Variants in WDR37 observed in about 807,000 individuals in gnomAD.
WDR37 encodes WD repeat-containing protein 37.
WDR37 carries 19 observed loss-of-function variants against 62.9 expected under a neutral mutation model. The ratio of observed to expected loss-of-function variants is 0.30; its 90% confidence interval spans 0.21 to 0.44. WDR37 has a LOEUF of 0.44. Ranked by LOEUF, WDR37 falls within the 20% of genes least tolerant of loss-of-function variation. The probability of loss-of-function intolerance (pLI) is 1.00; values close to 1 mark genes in which losing one functional copy is unlikely to be tolerated. For synonymous variants in WDR37, 250 were observed against 260.9 expected (o/e 0.96, Z 0.40); for missense variants, 474 against 657.6 (o/e 0.72, Z 3.05).
rs747102936 is a variant in WDR37 at position 1,124,988 on chromosome 10, A to C, written c.1317A>C (p.Gly439=). Residue 439 remains glycine, a synonymous_variant, in exon 13 of 14, where the codon GGA becomes GGC. Transcript: ENST00000263150. ...AAGTGAGACTGTTTGATATGTCAGG[A>C]GTGCGCCTGGCGCGGCTTCCCCGGA... ...NRQVRLFDMS[G]VRLARLPRSS... 2.3e-5 allele frequency: 37 copies of C among 1,614,088 alleles called. No individual in the cohort carries two copies. The highest frequency in any genetic ancestry group is 5.1e-6 in the Non-Finnish European group (6 of 1,180,032).
Position 1,071,488 on chromosome 10 carries a change from A to T in WDR37, c.-40-628A>T, listed in dbSNP as rs923729725. Among the ~76,000 whole-genome samples the T allele has an allele frequency of 1.3e-5, 2 of 152,254 alleles. 1 individual carries two copies. The highest frequency in any genetic ancestry group is 2.9e-5 in the Non-Finnish European group (2 of 68,050). On this transcript the variant is annotated intron_variant, in intron 1 of 13. Transcript: ENST00000263150. ...AACAGGGAATGAGTAGAAAATGCCC[A>T]AAGTGGGTAAATCATAATATTTAAA...
intron 2 of WDR37, among the ~76,000 whole-genome samples, chr10:1,074,211 C>T (rs945466413): frequency 3.3e-5 from 5 of 152,160 alleles, no homozygotes; most frequent in Admixed American, 1.3e-4. Flanking sequence ...TGTAGGTTCA[C>T]GTACATTTCT....
intron 8 of WDR37, among the ~76,000 whole-genome samples, chr10:1,094,081 G>T (rs530359040): frequency 1.3e-5 from 2 of 152,308 alleles, no homozygotes; most frequent in Admixed American, 6.5e-5. Flanking sequence ...ATAGCCCAGG[G>T]ACATTGGTGA....
chr10:1,106,891 C>G (rs1835040124), intron 11 of WDR37, among the ~76,000 whole-genome samples: 1 of 152,196 alleles, frequency 6.6e-6, no homozygotes, highest in African/African-American at 2.4e-5. Flanking sequence ...CGGGAGCAGG[C>G]AGCAGTCACG....
chr10:1,074,811 C>G (rs1296688497), intron 2 of WDR37, among the ~76,000 whole-genome samples: 1 of 152,250 alleles, frequency 6.6e-6, no homozygotes, highest in Non-Finnish European at 1.5e-5. Flanking sequence ...TAACTTTATA[C>G]ATCTCAGATT....
chr10:1,131,727 T>G lies in WDR37; in HGVS notation c.*2383T>G, dbSNP rs1174903310. The G allele has an allele frequency of 2.0e-5, 3 of 150,570 alleles. No individual in the cohort carries two copies. Among genetic ancestry groups the G allele is most frequent in the African/African-American group, 7.3e-5 (3 of 41,202 alleles). 9.3% of individuals were successfully genotyped at this position (150,570 alleles called of 1,614,324 possible). On this transcript the variant is annotated 3_prime_UTR_variant, in exon 14 of 14. Coordinates refer to ENST00000263150, the MANE Select transcript of WDR37 (RefSeq NM_014023.4). ...GTGTGTGTGTGCACGTGTGTGTGGCTAAATTAAGTCATACTGTCAACCACA... is the reference window on the plus strand; with the variant it reads ...GTGTGTGTGTGCACGTGTGTGTGGCGAAATTAAGTCATACTGTCAACCACA...
chr10:1,086,135 A>C, intron 6 of WDR37, 151 bp from the exon 7 acceptor site: 1 of 600,918 alleles, frequency 1.7e-6, no homozygotes, highest in Non-Finnish European at 2.9e-6. Context: ...TCTTTGATCA[A>C]TTGAAGCATA....
At chr10:1,106,808 C>T (rs1008012883) in intron 11 of WDR37, among the ~76,000 whole-genome samples, 6 of 152,152 alleles carry the variant, frequency 3.9e-5, no homozygotes, top group African/African-American at 1.4e-4. Context: ...TGAGCCATCG[C>T]GTCTGGCCAG....
chr10:1,074,581 G>A, intron 2 of WDR37: 1 of 1,253,274 alleles, frequency 8.0e-7, no homozygotes, highest in Non-Finnish European at 1.1e-6. Flanking sequence ...CCCGTGAGGT[G>A]CTCTGCCTTC....
intron 9 of WDR37, among the ~76,000 whole-genome samples, chr10:1,101,484 C>T (rs1834800459): frequency 6.6e-6 from 1 of 152,190 alleles, no homozygotes; most frequent in African/African-American, 2.4e-5. Flanking sequence ...CTTTAAAGCC[C>T]CTTTCTCCAA....
chr10:1,102,566 A>G (rs1169552743), intron 9 of WDR37, among the ~76,000 whole-genome samples: 1 of 151,616 alleles, frequency 6.6e-6, no homozygotes, highest in African/African-American at 2.4e-5. Context: ...GCGTCATGTG[A>G]TGGAAACAGG....
chr10:1,074,418 C>T, intron 2 of WDR37: 1 of 1,303,894 alleles, frequency 7.7e-7, no homozygotes, highest in Non-Finnish European at 1.0e-6. Context: ...CTCTGCTCCA[C>T]CTTTGGCCTG....
intron 7 of WDR37, among the ~76,000 whole-genome samples, chr10:1,090,171 A>AT (rs1331921888): frequency 1.3e-5 from 2 of 151,056 alleles, no homozygotes; most frequent in East Asian, 3.9e-4. Flanking sequence ...TAATTAATTT[A>AT]TTTTTTGAGA....
Position 1,093,465 on chromosome 10 carries a change from A to G in WDR37, c.618A>G (p.Lys206=), listed in dbSNP as rs752332902. Residue 206 remains lysine, a synonymous_variant, in exon 8 of 14, where the codon AAA becomes AAG. Transcript: ENST00000263150. The part of the protein sequence containing the change: ...AGHVGSVNSI[K]FHPSEQLALT... The stretch of plus-strand genomic sequence containing the variant: ...TTTATTTTGCAGTAAATTCTATCAA[A>G]TTTCATCCCTCAGAGCAGTTGGCTC... The G allele has an allele frequency of 5.4e-5, 87 of 1,608,332 alleles. 3 individuals are homozygous for G. In the South Asian group the frequency reaches 9.5e-4, roughly 17 times the overall value.
At chr10:1,058,320 C>T (rs566980878) in intron 1 of WDR37, among the ~76,000 whole-genome samples, 4 of 152,312 alleles carry the variant, frequency 2.6e-5, no homozygotes, top group African/African-American at 9.6e-5. Context: ...GTAATATATG[C>T]CAGCCATTTT....
chr10:1,089,060 C>G (rs891924433), intron 7 of WDR37, among the ~76,000 whole-genome samples: 14 of 152,154 alleles, frequency 9.2e-5, no homozygotes, highest in African/African-American at 3.4e-4. Flanking sequence ...CTCTCGCTTT[C>G]CCTTGTTCTA....
At position 1,129,219 on chromosome 10, in the gene WDR37, A is replaced by G; in HGVS notation, c.1360A>G (p.Arg454Gly). 6.2e-7 allele frequency: 1 copy of G among 1,614,024 alleles called. No individual in the cohort carries two copies. The highest frequency in any genetic ancestry group is 8.5e-7 in the Non-Finnish European group (1 of 1,179,898). Residue 454 changes from arginine (R) to glycine (G), a missense_variant, in exon 14 of 14, where the codon AGG (arginine) becomes GGG (glycine). Arg to Gly is a moderately radical substitution (Grantham distance 125). Coordinates refer to ENST00000263150, the MANE Select transcript of WDR37 (RefSeq NM_014023.4). ...TTTGTTTGATCATCACTAGGGCCAC[A>G]GGAGAATGGTATGCTGCTCGGCATG... is the stretch of plus-strand genomic sequence containing the variant. ...RLPRSSRQGH[R>G]RMVCCSAWSE...
At chr10:1,102,025 G>A (rs570402248) in intron 9 of WDR37, among the ~76,000 whole-genome samples, 1 of 150,524 alleles carries the variant, frequency 6.6e-6, no homozygotes, top group Non-Finnish European at 1.5e-5. Context: ...CCTTGCTGCT[G>A]TGCGTCCCTG....
chr10:1,085,779 C>G (rs28660586), intron 6 of WDR37, among the ~76,000 whole-genome samples: 1 of 152,210 alleles, frequency 6.6e-6, no homozygotes, highest in East Asian at 1.9e-4. Context: ...CTGATATTTC[C>G]GAAATTTCAT....
Sources: gnomAD v4.1 joint callset for allele counts (sites outside exome capture counted in the v4.1 genomes callset) on GRCh38, gnomAD v4.1.1 for gene constraint, MANE v1.5 for transcripts, NCBI Gene and HGNC (gene_info 2026-07-23, HGNC 2026-07-21) for gene names.